GABRB3: variants seen among roughly 807,000 people sequenced by gnomAD.
GABRB3 encodes the protein gamma-aminobutyric acid receptor subunit beta-3.
GABRB3 carries 14 observed loss-of-function variants against 52.1 expected under a neutral mutation model. The observed-to-expected ratio is 0.27, with a 90% CI of 0.18 to 0.42. GABRB3 has a LOEUF of 0.42. GABRB3 is among the 10% of genes least tolerant of loss of function. The pLI, the probability that GABRB3 is intolerant of heterozygous loss-of-function variation, is 1.00. For missense variants in GABRB3, 307 were observed against 609.1 expected, an observed-to-expected ratio of 0.50 and a Z score of 5.22; for synonymous variants, 260 against 232.3, an observed-to-expected ratio of 1.12 and a Z score of -1.08.
chr15:26,585,849 C>T (rs970258911), intron 4 of GABRB3, among the ~76,000 whole-genome samples: 4 of 152,174 alleles, frequency 2.6e-5, no homozygotes, highest in African/African-American at 4.8e-5. Flanking sequence ...TCAACTCTGG[C>T]ATGTGTTATG....
intron 3 of GABRB3, among the ~76,000 whole-genome samples, chr15:26,694,636 A>G (rs956721586): frequency 1.3e-5 from 2 of 152,236 alleles, no homozygotes; most frequent in African/African-American, 2.4e-5. Context: ...TATCCAATGC[A>G]TCATGTCTGG....
At chr15:26,669,792 TC>T (rs1887831286) in intron 3 of GABRB3, among the ~76,000 whole-genome samples, 1 of 152,220 alleles carries the variant, frequency 6.6e-6, no homozygotes. Context: ...ACAACCACCA[TC>T]ACCCACTCCC....
chr15:26,576,761 T>C (rs1033728738), intron 6 of GABRB3, among the ~76,000 whole-genome samples: 1 of 152,132 alleles, frequency 6.6e-6, no homozygotes, highest in East Asian at 1.9e-4. Context: ...GCACTGGACA[T>C]AGAGGCCATC....
At chr15:26,620,418 T>A (rs1595488970) in intron 4 of GABRB3, among the ~76,000 whole-genome samples, 1 of 152,196 alleles carries the variant, frequency 6.6e-6, no homozygotes, top group Non-Finnish European at 1.5e-5. Context: ...TTATAGCTGT[T>A]AAAGTCTTAG....
At chr15:26,761,552 T>G (rs1226783842) in intron 3 of GABRB3, among the ~76,000 whole-genome samples, 1 of 152,014 alleles carries the variant, frequency 6.6e-6, no homozygotes, top group African/African-American at 2.4e-5. Context: ...TACTATATAT[T>G]CTCATTGTAT....
intron 8 of GABRB3, among the ~76,000 whole-genome samples, chr15:26,554,009 A>G (rs1889586919): frequency 9.3e-6 from 1 of 107,338 alleles, no homozygotes; most frequent in Non-Finnish European, 1.9e-5. Context: ...CGAGTAGCTG[A>G]CACCTGACTA....
chr15:26,583,249 G>T, intron 5 of GABRB3, 83 bp downstream of exon 5: 3 of 1,100,938 alleles, frequency 2.7e-6, no homozygotes, highest in East Asian at 2.4e-5. Flanking sequence ...AATTATGGAT[G>T]CCTTGAAAAA....
intron 3 of GABRB3, among the ~76,000 whole-genome samples, chr15:26,750,446 T>C: frequency 6.6e-6 from 1 of 152,200 alleles, no homozygotes; most frequent in East Asian, 1.9e-4. Context: ...AATGGAAATG[T>C]CAATTTTTTT....
intron 4 of GABRB3, among the ~76,000 whole-genome samples, chr15:26,609,448 T>A (rs1245986107): frequency 6.6e-6 from 1 of 152,152 alleles, no homozygotes. Context: ...ATAATTCTTT[T>A]AAGAAAACAT....
chr15:26,585,500 T>A (rs1781186427), intron 4 of GABRB3, among the ~76,000 whole-genome samples: 1 of 144,356 alleles, frequency 6.9e-6, no homozygotes, highest in Non-Finnish European at 1.5e-5. Flanking sequence ...GGTGATAAAG[T>A]ATGTCCTTCC....
At chr15:26,736,929 G>A (rs1191919477) in intron 3 of GABRB3, among the ~76,000 whole-genome samples, 1 of 152,218 alleles carries the variant, frequency 6.6e-6, no homozygotes, top group Non-Finnish European at 1.5e-5. Flanking sequence ...GGTTAGGTCT[G>A]CAAAGAGTGC....
chr15:26,554,161 G>GTGTA lies in GABRB3; in HGVS notation c.1081-6028_1081-6027insTACA, dbSNP rs1555400843. ...TATATAAAGTATATATATATATAAA[G>GTGTA]TATATATATATAAAGTATATATATA... On this transcript the variant is annotated intron_variant, in intron 8 of 8. Coordinates refer to ENST00000311550, the MANE Select transcript of GABRB3 (RefSeq NM_000814.6). Among the ~76,000 whole-genome samples the GTGTA allele has an allele frequency of 3.8e-4, 8 of 21,266 alleles. 1 individual carries two copies. The highest frequency in any genetic ancestry group is 8.1e-4 in the African/African-American group (8 of 9,878). The allele number at this position is 21,266 out of a possible 152,430, so 14.0% of individuals were successfully genotyped here.
intron 3 of GABRB3, among the ~76,000 whole-genome samples, chr15:26,640,367 A>C: frequency 6.6e-6 from 1 of 152,146 alleles, no homozygotes; most frequent in Admixed American, 6.5e-5. Flanking sequence ...AATACAAAAA[A>C]TTAGCTGGGT....
At chr15:26,728,674 A>G (rs1172376237) in intron 3 of GABRB3, among the ~76,000 whole-genome samples, 1 of 152,252 alleles carries the variant, frequency 6.6e-6, no homozygotes, top group Non-Finnish European at 1.5e-5. Flanking sequence ...CTATGCAGTC[A>G]TCATTAACGT....
At chr15:26,682,701 G>A (rs903247248) in intron 3 of GABRB3, among the ~76,000 whole-genome samples, 1 of 152,202 alleles carries the variant, frequency 6.6e-6, no homozygotes, top group African/African-American at 2.4e-5. Flanking sequence ...TACCAACTCA[G>A]GGATTACACT....
intron 4 of GABRB3, among the ~76,000 whole-genome samples, chr15:26,587,798 C>T (rs1430899632): frequency 1.3e-5 from 2 of 152,172 alleles, no homozygotes; most frequent in African/African-American, 4.8e-5. Context: ...CACTCACACA[C>T]ATGGTTTTAT....
At chr15:26,763,975 G>A (rs999555461) in intron 3 of GABRB3, among the ~76,000 whole-genome samples, 9 of 150,886 alleles carry the variant, frequency 6.0e-5, no homozygotes, top group African/African-American at 1.5e-4. Context: ...GTGAAACCCC[G>A]TCTCTACTAA....
At chr15:26,723,413 T>C (rs1383648967) in intron 3 of GABRB3, among the ~76,000 whole-genome samples, 1 of 152,234 alleles carries the variant, frequency 6.6e-6, no homozygotes, top group Non-Finnish European at 1.5e-5. Context: ...AGGGTAGTTA[T>C]TTTCACACTA....
At chr15:26,687,423 C>T (rs957745779) in intron 3 of GABRB3, among the ~76,000 whole-genome samples, 4 of 152,132 alleles carry the variant, frequency 2.6e-5, no homozygotes, top group African/African-American at 7.2e-5. Context: ...TAACAGGATA[C>T]GTGTCCATGC....
Sources: gnomAD v4.1 joint callset for allele counts (sites outside exome capture counted in the v4.1 genomes callset) on GRCh38, gnomAD v4.1.1 for gene constraint, MANE v1.5 for transcripts, NCBI Gene and HGNC (gene_info 2026-07-23, HGNC 2026-07-21) for gene names.